CASP8: variants seen among roughly 807,000 people sequenced by gnomAD.
CASP8 encodes the protein caspase 8.
Under a neutral mutation model 46.3 loss-of-function variants are expected in CASP8, and 24 were observed. The ratio of observed to expected loss-of-function variants is 0.52; its 90% CI spans 0.38 to 0.73. CASP8 has a LOEUF of 0.73. Ranked by LOEUF, CASP8 falls within the 30% of genes least tolerant of loss-of-function variation. The probability of loss-of-function intolerance (pLI) is 0.00; values close to 1 mark genes in which losing one functional copy is unlikely to be tolerated. For synonymous variants in CASP8, 188 were observed against 200.4 expected (o/e 0.94, Z 0.52); for missense variants, 460 against 559.0 (o/e 0.82, Z 1.79).
chr2:201,233,863 G>C (rs1219078950), intron 1 of CASP8, among the ~76,000 whole-genome samples: 4 of 152,174 alleles, frequency 2.6e-5, no homozygotes, highest in African/African-American at 9.7e-5. Context: ...ACCTTAGCTG[G>C]CTGCTTCTAG....
chr2:201,254,690 G>C (rs1946937828), intron 2 of CASP8, among the ~76,000 whole-genome samples: 1 of 152,228 alleles, frequency 6.6e-6, no homozygotes, highest in South Asian at 2.1e-4. Context: ...GGTCTTTCTT[G>C]GCTTTTTTAG....
At chr2:201,247,934 G>A (rs184831965) in intron 2 of CASP8, among the ~76,000 whole-genome samples, 559 of 152,252 alleles carry the variant, frequency 3.7e-3, no homozygotes, top group African/African-American at 0.013. Flanking sequence ...GTGAGCCACT[G>A]CGCCCGGCCA....
intron 2 of CASP8, among the ~76,000 whole-genome samples, chr2:201,254,081 CAAA>C (rs11418268): frequency 1.1e-4 from 15 of 134,816 alleles, no homozygotes; most frequent in African/African-American, 3.8e-4. Context: ...AACTCCATCT[CAAA>C]AAAAAAAAAA....
chr2:201,265,347 C>G (rs1196695112), intron 1 of CASP8, among the ~76,000 whole-genome samples: 2 of 148,966 alleles, frequency 1.3e-5, no homozygotes, highest in African/African-American at 5.0e-5. Flanking sequence ...TGCACTCCAG[C>G]TTGGGTGACA....
chr2:201,275,321 TTTAGC>T (rs1328104391), intron 6 of CASP8, among the ~76,000 whole-genome samples: 6 of 152,186 alleles, frequency 3.9e-5, no homozygotes, highest in African/African-American at 7.2e-5. Flanking sequence ...AGCCTTTTCC[TTTAGC>T]TTAATGTTTC....
At chr2:201,256,791 T>C (rs1947038022), upstream of CASP8, among the ~76,000 whole-genome samples, 1 of 152,216 alleles carries the variant, frequency 6.6e-6, no homozygotes, top group East Asian at 1.9e-4. Flanking sequence ...TAATGTGTTA[T>C]TGCTGGTGTT....
chr2:201,251,275 A>C (rs1946764930), intron 2 of CASP8, among the ~76,000 whole-genome samples: 1 of 152,166 alleles, frequency 6.6e-6, no homozygotes, highest in African/African-American at 2.4e-5. Flanking sequence ...AAATATCTAG[A>C]AACGTGATTG....
intron 3 of CASP8, among the ~76,000 whole-genome samples, chr2:201,271,893 C>T (rs1258888187): frequency 2.0e-5 from 3 of 152,132 alleles, no homozygotes; most frequent in Non-Finnish European, 4.4e-5. Context: ...GGAAAGACTG[C>T]GGTGGGTCTG....
In CASP8 at chr2:201,266,013, C is replaced by T. The variant is rs564677158; in HGVS notation, c.-26-448C>T. ...TTTTTTTTGTGAGACGGAGTCTTGC[C>T]CTGTCACCCAGGCTGGAGTGCAGTG... is the stretch of plus-strand genomic sequence containing the variant. On this transcript the variant is annotated intron_variant, in intron 1 of 8. Coordinates refer to ENST00000673742, the MANE Select transcript of CASP8 (RefSeq NM_001372051.1). The surrounding 1 kb of genome is among the most constrained non-coding windows in gnomAD (Gnocchi z 5.7). Among the ~76,000 whole-genome samples the T allele has an allele frequency of 1.3e-4, 19 of 150,856 alleles. No homozygotes were observed. The highest frequency in any genetic ancestry group is 2.2e-4 in the Non-Finnish European group (15 of 67,728).
At position 201,246,420 on chromosome 2, in the gene CASP8, C is replaced by T. The variant is rs545829729; in HGVS notation, c.-27+12308C>T. On this transcript the variant is annotated intron_variant, in intron 2 of 6. Transcript: ENST00000264274. ...AAAGTGAATCTATGCCATCGTGTCT[C>T]GGAACTGGAAGTCCACCCCCATCCC... is the stretch of plus-strand genomic sequence containing the variant. Among the ~76,000 whole-genome samples the T allele has an allele frequency of 1.4e-4, 22 of 152,194 alleles. No homozygotes were observed. In the South Asian group the frequency reaches 2.3e-3, roughly 16 times the overall value.
Position 201,272,566 on chromosome 2 carries a change from A to G in CASP8, c.412-72A>G. The G allele has an allele frequency of 1.1e-6, 1 of 907,610 alleles. No individual in the cohort carries two copies. The highest frequency in any genetic ancestry group is 1.6e-6 in the Non-Finnish European group (1 of 639,552). 56.2% of individuals were successfully genotyped at this position (907,610 alleles called of 1,614,324 possible). A position where few individuals can be genotyped will look rare whatever the true frequency, so the allele number is the denominator to read the frequency against. On this transcript the variant is annotated intron_variant, in intron 3 of 8. Coordinates refer to ENST00000673742, the MANE Select transcript of CASP8 (RefSeq NM_001372051.1). The surrounding 1 kb of genome is among the most constrained non-coding windows in gnomAD (Gnocchi z 4.4). ...TCCTTGGTTGGAGAAATTGGAAATT[A>G]AAAAAAAAAATCTAATCTAAAAACC...
intron 7 of CASP8, among the ~76,000 whole-genome samples, chr2:201,278,989 GA>G (rs1192099527): frequency 6.6e-6 from 1 of 151,604 alleles, no homozygotes; most frequent in Non-Finnish European, 1.5e-5. Context: ...TGGGGGAGTT[GA>G]AAAAAAAGAG....
At chr2:201,276,714 C>A in intron 6 of CASP8, 113 bp from the exon 7 acceptor site, 3 of 1,376,828 alleles carry the variant, frequency 2.2e-6, no homozygotes, top group East Asian at 2.4e-5. Flanking sequence ...GGAAACGACC[C>A]CGAGTTGGGG....
intron 2 of CASP8, among the ~76,000 whole-genome samples, chr2:201,268,592 C>T (rs180820578): frequency 6.6e-6 from 1 of 152,160 alleles, no homozygotes; most frequent in Non-Finnish European, 1.5e-5. Context: ...TATAAGTTTC[C>T]TAGGGCTGCT....
chr2:201,274,975 C>CT (rs764103691), intron 6 of CASP8, 22 bp downstream of exon 6: 111 of 1,522,270 alleles, frequency 7.3e-5, no homozygotes, highest in Admixed American at 2.0e-4. Flanking sequence ...CCTCCAAATC[C>CT]TTTTTTTTAC....
intron 7 of CASP8, among the ~76,000 whole-genome samples, chr2:201,281,542 T>G (rs1576366034): frequency 6.6e-6 from 1 of 152,210 alleles, no homozygotes; most frequent in Non-Finnish European, 1.5e-5. Flanking sequence ...GACTAGGTAA[T>G]GGGGAGGGAT....
intron 2 of CASP8, among the ~76,000 whole-genome samples, chr2:201,270,303 A>G (rs1379344292): frequency 2.0e-5 from 3 of 152,214 alleles, no homozygotes; most frequent in Non-Finnish European, 4.4e-5. Flanking sequence ...AGTACTTCAC[A>G]TAAACTTATT....
chr2:201,274,490 T>C (rs6435075), intron 5 of CASP8, among the ~76,000 whole-genome samples: 7,559 of 152,240 alleles, frequency 0.05, 443 homozygotes, highest in South Asian at 0.14. Flanking sequence ...CATTTATTTA[T>C]TTGAGACAGA....
At position 201,266,221 on chromosome 2, in the gene CASP8, G is replaced by A. The variant is rs933601546; in HGVS notation, c.-26-240G>A. On this transcript the variant is annotated intron_variant, in intron 1 of 8. Transcript: ENST00000673742. This position sits in a 1 kb window ranked among gnomAD's most constrained non-coding sequence, Gnocchi z 5.7. ...TCTCAAACTCCTGACCTCGTGATCCGCCTGCCTTGGCCTCCCAAAGTGTTG... is the reference window on the plus strand; with the variant it reads ...TCTCAAACTCCTGACCTCGTGATCCACCTGCCTTGGCCTCCCAAAGTGTTG... Among the ~76,000 whole-genome samples, 3 of 152,134 alleles carry A rather than the reference G, an allele frequency of 2.0e-5. No homozygotes were observed. The highest frequency in any genetic ancestry group is 2.1e-4 in the South Asian group (1 of 4,830).
Sources: allele counts gnomAD v4.1 joint callset (sites outside exome capture counted in the v4.1 genomes callset), GRCh38; gene constraint gnomAD v4.1.1; non-coding constraint Gnocchi (gnomAD v3.1); transcripts MANE v1.5; gene names NCBI Gene and HGNC (gene_info 2026-07-23, HGNC 2026-07-21).